Variants in SYT6 observed in about 807,000 individuals in gnomAD.
The protein encoded by SYT6 is synaptotagmin-6.
A neutral mutation model predicts 38.4 loss-of-function variants in SYT6; 24 were observed. The observed-to-expected ratio is 0.62, with a 90% CI of 0.45 to 0.88. The LOEUF (loss-of-function observed/expected upper bound fraction) is 0.88, where lower values mean the gene tolerates loss of function less well. Among genes scored for constraint, SYT6 ranks in the 40% least tolerant of loss-of-function variants. The pLI is 0.00. For missense variants in SYT6, 611 were observed against 621.0 expected, an observed-to-expected ratio of 0.98 and a Z score of 0.17; for synonymous variants, 265 against 241.9, an observed-to-expected ratio of 1.10 and a Z score of -0.89.
chr1:114,093,884 G>A, intron 6 of SYT6, 81 bp from the exon 7 acceptor site: 3 of 1,311,806 alleles, frequency 2.3e-6, no homozygotes, highest in Non-Finnish European at 3.3e-6. Context: ...TTAACCAGAA[G>A]GTGACAACAC....
chr1:114,099,976 T>C (rs1287833925), intron 4 of SYT6, among the ~76,000 whole-genome samples: 1 of 152,098 alleles, frequency 6.6e-6, no homozygotes, highest in Non-Finnish European at 1.5e-5. Context: ...CCGGGGAGAC[T>C]CAGGGCAGCT....
Position 114,091,896 on chromosome 1 carries a change from G to A in SYT6, c.*238C>T, listed in dbSNP as rs1438064096. Reference sequence around the variant, plus strand: ...ACACAGGAGCAGGTAAGACTCTGGAGTGACGGACGGCTGCCGCTGCTGCCG... The same window carrying A: ...ACACAGGAGCAGGTAAGACTCTGGAATGACGGACGGCTGCCGCTGCTGCCG... On this transcript the variant is annotated 3_prime_UTR_variant, in exon 8 of 8. Transcript: ENST00000610222. 4.9e-6 allele frequency: 5 copies of A among 1,013,880 alleles called. No homozygotes were observed. In the Admixed American group the frequency reaches 8.4e-5, roughly 17 times the overall value. The allele number at this position is 1,013,880 out of a possible 1,614,324, so 62.8% of individuals were successfully genotyped here.
At chr1:114,133,709 A>G (rs684152) in intron 3 of SYT6, among the ~76,000 whole-genome samples, 150,437 of 152,322 alleles carry the variant, frequency 0.99, 74,289 homozygotes, top group Middle Eastern at 1. Flanking sequence ...CATGCAATGC[A>G]CGAGGCCTCC....
Position 114,153,660 on chromosome 1 carries a change from C to G in SYT6, c.113G>C (p.Arg38Pro). ...PPLGLDVETCRSFELQPPERS... is the reference protein window; with the variant it reads ...PPLGLDVETCPSFELQPPERS... ...CTCTGGGGGCTGCAGCTCGAAGCTC[C>G]GACAAGTCTCCACGTCCAGCCCGAG... Residue 38 changes from arginine to proline, a missense_variant, in exon 1 of 8, where the codon CGG becomes CCG. Coordinates refer to ENST00000610222, the MANE Select transcript of SYT6 (RefSeq NM_001253772.2). 1 of 661,626 alleles carries G rather than the reference C, an allele frequency of 1.5e-6. No homozygotes were observed. The highest frequency in any genetic ancestry group is 2.8e-6 in the Non-Finnish European group (1 of 363,218). 41.0% of individuals were successfully genotyped at this position (661,626 alleles called of 1,614,324 possible).
At chr1:114,136,223 A>T (rs1018739572) in intron 3 of SYT6, among the ~76,000 whole-genome samples, 5 of 152,306 alleles carry the variant, frequency 3.3e-5, no homozygotes, top group Middle Eastern at 6.8e-3. Flanking sequence ...TGCCCTTTGC[A>T]CACCAGAGCA....
chr1:114,100,354 G>A (rs986100298), intron 4 of SYT6, among the ~76,000 whole-genome samples: 6 of 152,158 alleles, frequency 3.9e-5, no homozygotes, highest in Admixed American at 3.9e-4. Context: ...CTGCTCCCCA[G>A]CTCTGTGATT....
chr1:114,106,496 C>A (rs1348052508), intron 3 of SYT6, among the ~76,000 whole-genome samples: 1 of 152,100 alleles, frequency 6.6e-6, no homozygotes, highest in African/African-American at 2.4e-5. Flanking sequence ...TTCAGTGGTT[C>A]CCCTTGTTTG....
chr1:114,127,487 C>T (rs1677815179), intron 3 of SYT6, among the ~76,000 whole-genome samples: 1 of 152,008 alleles, frequency 6.6e-6, no homozygotes, highest in African/African-American at 2.4e-5. Flanking sequence ...GAACCTGGGG[C>T]TGGACACAGT....
intron 3 of SYT6, among the ~76,000 whole-genome samples, chr1:114,113,886 T>G (rs1446600669): frequency 6.6e-6 from 1 of 152,144 alleles, no homozygotes. Flanking sequence ...TCACTAGGAA[T>G]AAAAACAAAA....
intron 3 of SYT6, among the ~76,000 whole-genome samples, chr1:114,119,767 C>T (rs1677262617): frequency 6.6e-6 from 1 of 152,144 alleles, no homozygotes; most frequent in South Asian, 2.1e-4. Context: ...CTCTCAGTAA[C>T]TTGTTTTCAA....
Position 114,092,084 on chromosome 1 carries a change from T to C in SYT6, c.*52-2A>G. The C allele has an allele frequency of 1.3e-6, 2 of 1,536,154 alleles. No homozygotes were observed. The highest frequency in any genetic ancestry group is 4.9e-5 in the East Asian group (2 of 41,060). On this transcript the variant is annotated splice_acceptor_variant, in intron 7 of 7. Transcript: ENST00000610222. LOFTEE classifies it low-confidence loss of function (3UTR_SPLICE). Reference sequence around the variant, plus strand: ...GAAGCTAGCAGCTCGGCCCTGCCACTGCAAAGAGGAGAACAATCTGTTTAT... The same window carrying C: ...GAAGCTAGCAGCTCGGCCCTGCCACCGCAAAGAGGAGAACAATCTGTTTAT...
chr1:114,141,688 G>A lies in SYT6; in HGVS notation c.164-1725C>T, dbSNP rs146109993. On this transcript the variant is annotated intron_variant, in intron 1 of 7. Coordinates refer to ENST00000610222, the MANE Select transcript of SYT6 (RefSeq NM_001253772.2). ...TATATTGGAAGAAGATGCCACCTAG[G>A]GCTTTCATAGCTAGAAAGGGGAAGT... is the stretch of plus-strand genomic sequence containing the variant. Among the ~76,000 whole-genome samples, 1,029 of 152,282 alleles carry A rather than the reference G, an allele frequency of 6.8e-3. 5 individuals are homozygous for A. Among genetic ancestry groups the A allele is most frequent in the Non-Finnish European group, 0.012 (792 of 68,022 alleles).
At chr1:114,118,202 C>G (rs1677116514) in intron 3 of SYT6, among the ~76,000 whole-genome samples, 1 of 152,244 alleles carries the variant, frequency 6.6e-6, no homozygotes. Context: ...CCTCCCTTCC[C>G]CCTGCTCACC....
In SYT6 at chr1:114,149,920, G is replaced by A. The variant is rs1679359383; in HGVS notation, c.163+3690C>T. On this transcript the variant is annotated intron_variant, in intron 1 of 7. Coordinates refer to ENST00000610222, the MANE Select transcript of SYT6 (RefSeq NM_001253772.2). The stretch of plus-strand genomic sequence containing the variant: ...GGAGGGTCCAGATCTGGATGCCCCT[G>A]TTTATTTCTACTTTCAGAGACTCCT... Among the ~76,000 whole-genome samples, 4 of 152,098 alleles carry A rather than the reference G, an allele frequency of 2.6e-5. No individual in the cohort carries two copies. In the South Asian group the frequency reaches 8.3e-4, roughly 32 times the overall value.
chr1:114,115,406 T>C (rs1676932109), intron 3 of SYT6, among the ~76,000 whole-genome samples: 1 of 151,762 alleles, frequency 6.6e-6, no homozygotes, highest in Non-Finnish European at 1.5e-5. Context: ...GTAGGCACTA[T>C]GTTGGGTACT....
chr1:114,096,801 C>G (rs892949622), intron 6 of SYT6, among the ~76,000 whole-genome samples: 1 of 152,310 alleles, frequency 6.6e-6, no homozygotes, highest in Non-Finnish European at 1.5e-5. Flanking sequence ...ATACAGCTCT[C>G]TAGACTTGTT....
chr1:114,149,240 T>TGTGTG (rs369263313), intron 1 of SYT6, among the ~76,000 whole-genome samples: 2 of 146,882 alleles, frequency 1.4e-5, no homozygotes, highest in Non-Finnish European at 1.5e-5. Context: ...TGTGTGTGTG[T>TGTGTG]TGGGAGAACA....
intron 3 of SYT6, among the ~76,000 whole-genome samples, chr1:114,113,834 A>T (rs935589148): frequency 6.6e-5 from 10 of 152,118 alleles, no homozygotes; most frequent in African/African-American, 9.7e-5. Flanking sequence ...TGGAAAATGG[A>T]TTGTACCACT....
At chr1:114,134,131 T>C (rs932596231) in intron 3 of SYT6, among the ~76,000 whole-genome samples, 3 of 152,224 alleles carry the variant, frequency 2.0e-5, no homozygotes, top group African/African-American at 4.8e-5. Context: ...CCTTTCCTTC[T>C]GCTCAGCATG....
Sources: allele counts gnomAD v4.1 joint callset (sites outside exome capture counted in the v4.1 genomes callset), GRCh38; gene constraint gnomAD v4.1.1; transcripts MANE v1.5; gene names NCBI Gene and HGNC (gene_info 2026-07-23, HGNC 2026-07-21).